COG5: variants seen among roughly 807,000 people sequenced by gnomAD.
The protein encoded by COG5 is component of oligomeric golgi complex 5.
In COG5, 86 loss-of-function variants were observed where a neutral mutation model predicts 110.4. That is an observed-to-expected ratio of 0.78 (90% CI 0.65 to 0.93). The LOEUF is 0.93. COG5 is among the 40% of genes least tolerant of loss of function. COG5 has a pLI of 0.00. For synonymous variants in COG5, 360 were observed against 334.6 expected (o/e 1.08, Z -0.83); for missense variants, 1,077 against 987.0 (o/e 1.09, Z -1.22).
intron 5 of COG5, among the ~76,000 whole-genome samples, chr7:107,543,075 A>G (rs142413986): frequency 3.7e-4 from 57 of 152,316 alleles, no homozygotes; most frequent in African/African-American, 1.3e-3. Flanking sequence ...AAAAAAATCA[A>G]TGTGATATGT....
intron 12 of COG5, among the ~76,000 whole-genome samples, chr7:107,291,590 G>A (rs556244974): frequency 4.6e-5 from 7 of 152,256 alleles, no homozygotes; most frequent in African/African-American, 1.7e-4. Flanking sequence ...CAGTGCTAAT[G>A]GCAGGATTAT....
chr7:107,560,494 G>A (rs755036474), intron 1 of COG5, among the ~76,000 whole-genome samples: 8 of 152,226 alleles, frequency 5.3e-5, no homozygotes, highest in Non-Finnish European at 1.0e-4. Flanking sequence ...AACTGATACA[G>A]GAAATTTAGT....
At chr7:107,228,384 T>C (rs1215123817) in intron 19 of COG5, among the ~76,000 whole-genome samples, 1 of 151,044 alleles carries the variant, frequency 6.6e-6, no homozygotes, top group African/African-American at 2.4e-5. Flanking sequence ...TTTCAATAAC[T>C]AGATGGTTAA....
intron 7 of COG5, among the ~76,000 whole-genome samples, chr7:107,403,362 GT>G (rs768240493): frequency 1.3e-5 from 2 of 151,582 alleles, no homozygotes; most frequent in Non-Finnish European, 2.9e-5. Flanking sequence ...AAGGGCTCAT[GT>G]TCCTAGTTCA....
Position 107,558,087 on chromosome 7 carries a change from G to C in COG5, c.123C>G (p.Asp41Glu), listed in dbSNP as rs754810787. The C allele has an allele frequency of 6.2e-7, 1 of 1,613,698 alleles. No individual in the cohort carries two copies. ...GAGAAGTATAAGTCTTTACATCAAA[G>C]TCTTCGTTTAAAAAGTCACTATAAC... is the stretch of plus-strand genomic sequence containing the variant. ...DGCYSDFLNEDFDVKTYTSQS... is the reference protein window; with the variant it reads ...DGCYSDFLNEEFDVKTYTSQS... The change falls in exon 2 of 22, where the codon GAC becomes GAG. Residue 41 changes from aspartate to glutamate, a missense_variant. Physicochemically the swap from Asp to Glu is conservative, Grantham distance 45 (BLOSUM62 2). Transcript: ENST00000297135.
At position 107,474,011 on chromosome 7, in the gene COG5, A is replaced by G. The variant is rs373919718; in HGVS notation, c.538+53226T>C. ...TCATTTAAATTGCCAAATATCAAAT[A>G]GTTTATTCTATTTCACTTTCTAGGG... On this transcript the variant is annotated intron_variant, in intron 6 of 21. Coordinates refer to ENST00000297135, the MANE Select transcript of COG5 (RefSeq NM_006348.5). The surrounding 1 kb of genome is among the most constrained non-coding windows in gnomAD (Gnocchi z 5.7). The G allele has an allele frequency of 6.4e-5, 59 of 919,560 alleles. No individual in the cohort carries two copies. The highest frequency in any genetic ancestry group is 9.2e-5 in the Non-Finnish European group (55 of 596,788). The allele number at this position is 919,560 out of a possible 1,614,324, so 57.0% of individuals were successfully genotyped here.
At chr7:107,511,133 C>T (rs9655791) in intron 6 of COG5, among the ~76,000 whole-genome samples, 30,685 of 136,126 alleles carry the variant, frequency 0.23, 3,853 homozygotes, top group East Asian at 0.28. Context: ...ATCAACAAAA[C>T]TGATAGACTG....
At chr7:107,310,919 A>G (rs1808175142) in intron 11 of COG5, among the ~76,000 whole-genome samples, 1 of 151,938 alleles carries the variant, frequency 6.6e-6, no homozygotes, top group African/African-American at 2.4e-5. Context: ...TTCTCAGCAC[A>G]TATGTAAAAA....
At chr7:107,221,748 G>C (rs1336971323) in intron 19 of COG5, among the ~76,000 whole-genome samples, 1 of 148,000 alleles carries the variant, frequency 6.8e-6, no homozygotes, top group African/African-American at 2.5e-5. Flanking sequence ...CTGGGTGACA[G>C]AGTGAGACTC....
chr7:107,391,823 G>A (rs145919463), intron 7 of COG5, among the ~76,000 whole-genome samples: 10 of 152,322 alleles, frequency 6.6e-5, no homozygotes, highest in Admixed American at 2.0e-4. Context: ...AGGTGCGTGT[G>A]GCTCAAGCCT....
At chr7:107,331,296 T>C (rs1409926590) in intron 10 of COG5, among the ~76,000 whole-genome samples, 3 of 151,790 alleles carry the variant, frequency 2.0e-5, no homozygotes, top group Non-Finnish European at 2.9e-5. Context: ...TGAAACACCA[T>C]CTCTACTAAA....
At position 107,474,127 on chromosome 7, in the gene COG5, A is replaced by G. The variant is rs1163378047; in HGVS notation, c.538+53110T>C. The stretch of plus-strand genomic sequence containing the variant: ...ATCTAACATTACAGTGCGAGATGAC[A>G]TTGATGACATCAACACCAATATGTA... On this transcript the variant is annotated intron_variant, in intron 6 of 21. Coordinates refer to ENST00000297135, the MANE Select transcript of COG5 (RefSeq NM_006348.5). This position sits in a 1 kb window ranked among gnomAD's most constrained non-coding sequence, Gnocchi z 5.7. 1 of 1,610,056 alleles carries G rather than the reference A, an allele frequency of 6.2e-7. No individual in the cohort carries two copies. The highest frequency in any genetic ancestry group is 8.5e-7 in the Non-Finnish European group (1 of 1,177,094).
intron 18 of COG5, among the ~76,000 whole-genome samples, chr7:107,234,989 G>A (rs1459035342): frequency 6.6e-6 from 1 of 152,146 alleles, no homozygotes; most frequent in African/African-American, 2.4e-5. Flanking sequence ...TAATGGTAAC[G>A]TTTAATCTCT....
In COG5 at chr7:107,471,655, A is replaced by G. The variant is rs553112848; in HGVS notation, c.538+55582T>C. The G allele has an allele frequency of 1.4e-4, 22 of 152,212 alleles. No homozygotes were observed. In the South Asian group the frequency reaches 4.1e-3, roughly 29 times the overall value. 9.4% of individuals were successfully genotyped at this position (152,212 alleles called of 1,614,324 possible). A position where few individuals can be genotyped will look rare whatever the true frequency, so the allele number is the denominator to read the frequency against. ...AAAGGGGAAGTTTATACTTTCATATACCAGAATTGTGGAAGTTACTGATTC... is the reference window on the plus strand; with the variant it reads ...AAAGGGGAAGTTTATACTTTCATATGCCAGAATTGTGGAAGTTACTGATTC... On this transcript the variant is annotated intron_variant, in intron 6 of 21. Transcript: ENST00000297135.
chr7:107,520,643 G>C (rs1481229275), intron 6 of COG5, among the ~76,000 whole-genome samples: 1 of 152,104 alleles, frequency 6.6e-6, no homozygotes, highest in African/African-American at 2.4e-5. Context: ...GGCAATAAGA[G>C]AAGACACAAA....
In COG5 at chr7:107,281,910, C is replaced by G. The variant is rs552696133; in HGVS notation, c.1476-511G>C. 1.2e-3 allele frequency among the ~76,000 whole-genome samples: 178 copies of G among 151,100 alleles called. 2 individuals carry two copies. Among genetic ancestry groups the G allele is most frequent in the African/African-American group, 4.1e-3 (169 of 41,082 alleles). On this transcript the variant is annotated intron_variant, in intron 13 of 21. Coordinates refer to ENST00000297135, the MANE Select transcript of COG5 (RefSeq NM_006348.5). ...TAAATAATATAAAAGCATAACAGGA[C>G]TATAATTACAAATTTTTAAAATTCG...
At chr7:107,523,929 T>C (rs958651974) in intron 6 of COG5, among the ~76,000 whole-genome samples, 1 of 152,142 alleles carries the variant, frequency 6.6e-6, no homozygotes, top group Admixed American at 6.6e-5. Context: ...ATTCCAATCC[T>C]AGGTATTTAT....
At chr7:107,342,652 T>C (rs775592771) in intron 10 of COG5, among the ~76,000 whole-genome samples, 1 of 151,738 alleles carries the variant, frequency 6.6e-6, no homozygotes, top group Non-Finnish European at 1.5e-5. Context: ...CATTCCAGCC[T>C]GGGCAACAGA....
At chr7:107,360,970 G>C (rs1251106658) in intron 10 of COG5, among the ~76,000 whole-genome samples, 1 of 152,206 alleles carries the variant, frequency 6.6e-6, no homozygotes, top group Non-Finnish European at 1.5e-5. Context: ...ACACCCTAAG[G>C]ATCCTGTGAC....
Sources: allele counts gnomAD v4.1 joint callset (sites outside exome capture counted in the v4.1 genomes callset), GRCh38; gene constraint gnomAD v4.1.1; non-coding constraint Gnocchi (gnomAD v3.1); transcripts MANE v1.5; gene names NCBI Gene and HGNC (gene_info 2026-07-23, HGNC 2026-07-21).